Variants in MTCL1 observed in about 807,000 individuals in gnomAD.
The protein encoded by MTCL1 is microtubule cross-linking factor 1.
A neutral mutation model predicts 141.4 loss-of-function variants in MTCL1; 79 were observed. The ratio of observed to expected loss-of-function variants is 0.56; its 90% confidence interval spans 0.47 to 0.67. The LOEUF (loss-of-function observed/expected upper bound fraction) is 0.67. Ranked by LOEUF, MTCL1 falls within the 30% of genes least tolerant of loss-of-function variation. MTCL1 has a pLI of 0.00. For missense variants in MTCL1, 2,177 were observed against 2,113.9 expected (o/e 1.03, Z -0.59); for synonymous variants, 914 against 875.8 (o/e 1.04, Z -0.77).
intron 7 of MTCL1, chr18:8,789,607 C>A (rs2075648003): frequency 1.0e-6 from 1 of 985,240 alleles, no homozygotes; most frequent in Non-Finnish European, 1.2e-6. Flanking sequence ...AGAATGGTTA[C>A]AATTGTCAAG....
Position 8,822,628 on chromosome 18 carries a change from G to A in MTCL1, c.3188+1130G>A, listed in dbSNP as rs1366313641. 6.6e-6 allele frequency among the ~76,000 whole-genome samples: 1 copy of A among 152,158 alleles called. No homozygotes were observed. Among genetic ancestry groups the A allele is most frequent in the African/African-American group, 2.4e-5 (1 of 41,436 alleles). ...GTTTGAATCGCTTCTGCCTCCTTGG[G>A]TAGGTTACTCAACTGCTTTGTGCCT... On this transcript the variant is annotated intron_variant, in intron 14 of 16. Coordinates refer to ENST00000359865, the Ensembl canonical transcript of MTCL1. This position sits in a 1 kb window ranked among gnomAD's most constrained non-coding sequence, Gnocchi z 4.6.
chr18:8,757,707 T>C (rs1567985779), intron 4 of MTCL1, among the ~76,000 whole-genome samples: 1 of 152,136 alleles, frequency 6.6e-6, no homozygotes, highest in Non-Finnish European at 1.5e-5. Context: ...TTTTTGAGAT[T>C]TTTTTTTCAG....
exon 15 of MTCL1, chr18:8,825,176 C>T (rs78887585): frequency 1.3e-6 from 2 of 1,578,504 alleles, no homozygotes; most frequent in African/African-American, 2.7e-5. Flanking sequence ...CCAGAGGGAG[C>T]CCGGGAGACA....
At chr18:8,815,998 T>C (rs569575140) in intron 12 of MTCL1, among the ~76,000 whole-genome samples, 1 of 152,320 alleles carries the variant, frequency 6.6e-6, no homozygotes, top group South Asian at 2.1e-4. Flanking sequence ...AATCTGGCCT[T>C]TTCCCCAAAA....
At chr18:8,733,022 A>T (rs2096258579) in intron 4 of MTCL1, among the ~76,000 whole-genome samples, 1 of 152,202 alleles carries the variant, frequency 6.6e-6, no homozygotes, top group Non-Finnish European at 1.5e-5. Flanking sequence ...CATTGATCAG[A>T]CATCTATCTG....
chr18:8,818,341 G>C (rs1226866790), intron 12 of MTCL1, among the ~76,000 whole-genome samples: 1 of 151,350 alleles, frequency 6.6e-6, no homozygotes, highest in African/African-American at 2.4e-5. Flanking sequence ...CTAACGTAAT[G>C]TGGCTTTTTT....
intron 10 of MTCL1, chr18:8,802,389 G>T (rs2076150928): frequency 6.6e-6 from 1 of 152,240 alleles, no homozygotes; most frequent in Non-Finnish European, 1.5e-5. Context: ...TATCTCCAAA[G>T]TTAGTGGCTG....
At chr18:8,783,381 T>C in intron 5 of MTCL1, 149 bp from the exon 5 acceptor site, 1 of 754,144 alleles carries the variant, frequency 1.3e-6, no homozygotes, top group Non-Finnish European at 2.1e-6. Context: ...TTGTCTTGGC[T>C]GTTTCTCTAT....
At chr18:8,801,597 C>G (rs1269120288) in intron 10 of MTCL1, 1 of 152,164 alleles carries the variant, frequency 6.6e-6, no homozygotes, top group Non-Finnish European at 1.5e-5. Flanking sequence ...TGAAAGGACT[C>G]TCCTTGCCCC....
exon 3 of MTCL1, chr18:8,718,435 T>G: frequency 6.2e-7 from 1 of 1,614,194 alleles, no homozygotes; most frequent in Non-Finnish European, 8.5e-7. Flanking sequence ...ATGAGTTAGA[T>G]GAACTCCGTG....
chr18:8,826,091 T>C, exon 15 of MTCL1: 1 of 1,611,370 alleles, frequency 6.2e-7, no homozygotes, highest in Non-Finnish European at 8.5e-7. Context: ...ACACGCTCAC[T>C]GAGAACGTGG....
intron 3 of MTCL1, chr18:8,719,913 TTTATTA>T (rs1244348529): frequency 6.3e-6 from 1 of 159,552 alleles, no homozygotes; most frequent in Non-Finnish European, 1.4e-5. Context: ...TGTTTATTTG[TTTATTA>T]TTATTCGAAT....
At chr18:8,760,686 G>A (rs988977480) in intron 4 of MTCL1, among the ~76,000 whole-genome samples, 11 of 150,054 alleles carry the variant, frequency 7.3e-5, no homozygotes, top group Non-Finnish European at 1.0e-4. Flanking sequence ...CCATATTTCC[G>A]TAAGAAACCG....
upstream of MTCL1, chr18:8,717,274 A>G (rs2096134811): frequency 6.6e-6 from 1 of 152,282 alleles, no homozygotes; most frequent in Admixed American, 6.5e-5. Context: ...AGAGCCAGCA[A>G]GAGACTAGAG....
chr18:8,784,208 A>G, exon 6 of MTCL1: 1 of 1,612,732 alleles, frequency 6.2e-7, no homozygotes, highest in Non-Finnish European at 8.5e-7. Flanking sequence ...GCTGTCCAAC[A>G]TCCAGCGCTG....
intron 1 of MTCL1, among the ~76,000 whole-genome samples, chr18:8,709,511 G>A (rs956534703): frequency 1.3e-5 from 2 of 152,094 alleles, no homozygotes; most frequent in African/African-American, 4.8e-5. Flanking sequence ...TTTTAAAGAG[G>A]GTAGATAAAA....
chr18:8,810,622 T>C lies in MTCL1; in HGVS notation c.2605-2357T>C, dbSNP rs1466299707. 2.0e-5 allele frequency among the ~76,000 whole-genome samples: 3 copies of C among 152,200 alleles called. No individual in the cohort carries two copies. The highest frequency in any genetic ancestry group is 4.4e-5 in the Non-Finnish European group (3 of 68,038). ...CGTACGTGCGAGGGGCTCAGCAGCC[T>C]GTCTTTCATTCTGGGTTACGTGGAC... On this transcript the variant is annotated intron_variant, in intron 11 of 16. Coordinates refer to ENST00000359865, the Ensembl canonical transcript of MTCL1. This position sits in a 1 kb window ranked among gnomAD's most constrained non-coding sequence, Gnocchi z 5.0.
rs368149872 is a variant in MTCL1 at position 8,830,527 on chromosome 18, C to T, written c.*19-1080C>T. The T allele has an allele frequency of 2.2e-5, 22 of 986,382 alleles. No individual in the cohort carries two copies. In the South Asian group the frequency reaches 4.7e-4, roughly 21 times the overall value. 61.1% of individuals were successfully genotyped at this position (986,382 alleles called of 1,614,324 possible). A position where few individuals can be genotyped will look rare whatever the true frequency, so the allele number is the denominator to read the frequency against. ...TCCGTGCAGCCGTCTGTCCTTCCCC[C>T]GCTGCTGCTCCCCTGCACCACTGGC... On this transcript the variant is annotated intron_variant, in intron 16 of 16. Coordinates refer to ENST00000359865, the Ensembl canonical transcript of MTCL1. This position sits in a 1 kb window ranked among gnomAD's most constrained non-coding sequence, Gnocchi z 6.4.
chr18:8,784,409 C>A (rs767357185), exon 6 of MTCL1: 3 of 1,526,442 alleles, frequency 2.0e-6, no homozygotes, highest in Admixed American at 2.1e-5. Context: ...GAGCGGGAAG[C>A]CATCGGAGGC....
Sources: gnomAD v4.1 joint callset for allele counts (sites outside exome capture counted in the v4.1 genomes callset) on GRCh38, gnomAD v4.1.1 for gene constraint, Gnocchi (gnomAD v3.1) non-coding constraint, MANE v1.5 for transcripts, NCBI Gene and HGNC (gene_info 2026-07-23, HGNC 2026-07-21) for gene names.